Variants in SLC24A3 observed in about 807,000 individuals in gnomAD.
The protein encoded by SLC24A3 is solute carrier family 24 member 3.
A neutral mutation model predicts 75.8 loss-of-function variants in SLC24A3; 28 were observed. The observed-to-expected ratio is 0.37, with a 90% CI of 0.27 to 0.51. The LOEUF (loss-of-function observed/expected upper bound fraction) is 0.51, where lower values mean the gene tolerates loss of function less well. SLC24A3 is among the 20% of genes least tolerant of loss of function. The pLI is 0.94. For missense variants in SLC24A3, 663 were observed against 847.8 expected, an observed-to-expected ratio of 0.78 and a Z score of 2.71; for synonymous variants, 372 against 334.1, an observed-to-expected ratio of 1.11 and a Z score of -1.24.
chr20:19,410,022 A>T (rs1014792556), intron 2 of SLC24A3, among the ~76,000 whole-genome samples: 1 of 152,156 alleles, frequency 6.6e-6, no homozygotes, highest in Admixed American at 6.5e-5. Context: ...AATCTAAAAA[A>T]TAAAGTATGT....
chr20:19,446,487 A>G (rs1987387238), intron 2 of SLC24A3, among the ~76,000 whole-genome samples: 1 of 152,194 alleles, frequency 6.6e-6, no homozygotes, highest in Non-Finnish European at 1.5e-5. Context: ...TTATCTTTGG[A>G]CTTTTTAATG....
intron 8 of SLC24A3, among the ~76,000 whole-genome samples, chr20:19,669,676 G>A (rs2032443463): frequency 6.6e-6 from 1 of 152,108 alleles, no homozygotes; most frequent in Non-Finnish European, 1.5e-5. Context: ...CTTCTTTTGA[G>A]TCCGAAGTTG....
At chr20:19,601,690 A>T (rs1336275166) in intron 6 of SLC24A3, among the ~76,000 whole-genome samples, 1 of 152,148 alleles carries the variant, frequency 6.6e-6, no homozygotes, top group Non-Finnish European at 1.5e-5. Flanking sequence ...CCATGCTACA[A>T]GCCGGGAATG....
chr20:19,299,198 A>ATGTGTGTGTGTGTGTGTG lies in SLC24A3; in HGVS notation c.271+18119_271+18136dup, dbSNP rs57048749. 6.1e-4 allele frequency among the ~76,000 whole-genome samples: 88 copies of ATGTGTGTGTGTGTGTGTG among 145,030 alleles called. 1 individual carries two copies. The highest frequency in any genetic ancestry group is 1.4e-3 in the East Asian group (7 of 4,968). ...CCTTCGTGTGTGTGTGTGTGTGTGT[A>ATGTGTGTGTGTGTGTGTG]TGTGTGTGTGTGTGTGTGTGTGTGT... On this transcript the variant is annotated intron_variant, in intron 2 of 16. Transcript: ENST00000328041.
At chr20:19,440,645 GTTTT>G (rs11469517) in intron 2 of SLC24A3, among the ~76,000 whole-genome samples, 10,598 of 131,298 alleles carry the variant, frequency 0.081, 977 homozygotes, top group African/African-American at 0.23. Flanking sequence ...AGGCCTCACT[GTTTT>G]TTTTTTTTTT....
At chr20:19,402,568 G>T (rs1385901630) in intron 2 of SLC24A3, among the ~76,000 whole-genome samples, 182 of 152,308 alleles carry the variant, frequency 1.2e-3, no homozygotes, top group Non-Finnish European at 2.2e-4. Flanking sequence ...AGAAGTTGTT[G>T]CCAGCAAAGG....
intron 2 of SLC24A3, among the ~76,000 whole-genome samples, chr20:19,309,716 T>A (rs780674568): frequency 6.6e-6 from 1 of 151,962 alleles, no homozygotes; most frequent in Admixed American, 6.5e-5. Context: ...AAAAAGAGAG[T>A]TGGAACTTTT....
intron 1 of SLC24A3, among the ~76,000 whole-genome samples, chr20:19,270,828 C>G (rs1205759819): frequency 2.0e-5 from 3 of 151,866 alleles, no homozygotes; most frequent in Non-Finnish European, 4.4e-5. Context: ...GAGAGAGATA[C>G]TAGAAGAGAG....
chr20:19,375,523 A>G (rs1986069525), intron 2 of SLC24A3, among the ~76,000 whole-genome samples: 1 of 152,138 alleles, frequency 6.6e-6, no homozygotes. Context: ...GGGAAGACAG[A>G]TTTGTCCCAG....
intron 1 of SLC24A3, among the ~76,000 whole-genome samples, chr20:19,260,602 T>A (rs762660920): frequency 2.6e-5 from 4 of 152,228 alleles, no homozygotes; most frequent in Non-Finnish European, 5.9e-5. Flanking sequence ...CGAGATACAA[T>A]TTCTCAGTTC....
rs182877403 is a variant in SLC24A3 at position 19,448,126 on chromosome 20, G to A, written c.272-67362G>A. Among the ~76,000 whole-genome samples the A allele has an allele frequency of 1.6e-4, 25 of 152,308 alleles. No individual in the cohort carries two copies. In the East Asian group the frequency reaches 1.9e-3, roughly 12 times the overall value. On this transcript the variant is annotated intron_variant, in intron 2 of 16. Coordinates refer to ENST00000328041, the MANE Select transcript of SLC24A3 (RefSeq NM_020689.4). ...AGTCATCCCTTCCTCCCAAAATGCCGGATCCAAGGTTTTCACTGCCCCTCT... is the reference window on the plus strand; with the variant it reads ...AGTCATCCCTTCCTCCCAAAATGCCAGATCCAAGGTTTTCACTGCCCCTCT...
At chr20:19,339,285 A>G (rs913998341) in intron 2 of SLC24A3, among the ~76,000 whole-genome samples, 1 of 151,884 alleles carries the variant, frequency 6.6e-6, no homozygotes, top group Non-Finnish European at 1.5e-5. Context: ...TTTTTTAGGT[A>G]TCTAGTTTTT....
At chr20:19,303,583 A>G (rs1432791310) in intron 2 of SLC24A3, among the ~76,000 whole-genome samples, 2 of 152,188 alleles carry the variant, frequency 1.3e-5, no homozygotes, top group Non-Finnish European at 2.9e-5. Flanking sequence ...AGGAATCACC[A>G]TACTACTTTC....
chr20:19,536,476 A>T (rs1489654420), intron 3 of SLC24A3, among the ~76,000 whole-genome samples: 2 of 152,132 alleles, frequency 1.3e-5, no homozygotes, highest in African/African-American at 4.8e-5. Flanking sequence ...ATTCAATGCC[A>T]TCCCCATCAA....
At chr20:19,471,755 C>T (rs1987876197) in intron 2 of SLC24A3, among the ~76,000 whole-genome samples, 1 of 152,076 alleles carries the variant, frequency 6.6e-6, no homozygotes, top group Non-Finnish European at 1.5e-5. Flanking sequence ...CCCTCCATAC[C>T]CTGATGTCCC....
intron 2 of SLC24A3, among the ~76,000 whole-genome samples, chr20:19,306,215 C>A (rs1376530227): frequency 6.6e-6 from 1 of 152,068 alleles, no homozygotes; most frequent in Non-Finnish European, 1.5e-5. Context: ...AATAAAAAGA[C>A]AGAAAAGAAT....
At chr20:19,460,898 G>T (rs1987659070) in intron 2 of SLC24A3, among the ~76,000 whole-genome samples, 1 of 152,210 alleles carries the variant, frequency 6.6e-6, no homozygotes, top group Non-Finnish European at 1.5e-5. Flanking sequence ...TCCAGTTGTG[G>T]ACTTTCTGGG....
At chr20:19,625,894 A>C (rs1176505683) in intron 6 of SLC24A3, among the ~76,000 whole-genome samples, 1 of 152,100 alleles carries the variant, frequency 6.6e-6, no homozygotes, top group Non-Finnish European at 1.5e-5. Flanking sequence ...ACTTTCTCTT[A>C]CTTCAGGCAT....
At chr20:19,402,599 A>T (rs907068103) in intron 2 of SLC24A3, among the ~76,000 whole-genome samples, 2 of 152,226 alleles carry the variant, frequency 1.3e-5, no homozygotes, top group African/African-American at 4.8e-5. Flanking sequence ...AATAACAACA[A>T]ACAGAACATT....
Sources: gnomAD v4.1 joint callset for allele counts (sites outside exome capture counted in the v4.1 genomes callset) on GRCh38, gnomAD v4.1.1 for gene constraint, MANE v1.5 for transcripts, NCBI Gene and HGNC (gene_info 2026-07-23, HGNC 2026-07-21) for gene names.